The following ABCB1 variants were observed in gnomAD, a reference collection of about 807,000 sequenced individuals.
ABCB1 encodes the protein ATP binding cassette subfamily B member 1.
A neutral mutation model predicts 142.0 loss-of-function variants in ABCB1; 69 were observed. The observed-to-expected ratio is 0.49, with a 90% CI of 0.40 to 0.59. ABCB1 has a LOEUF of 0.59. ABCB1 is among the 20% of genes least tolerant of loss of function. The probability of loss-of-function intolerance (pLI) is 0.00; values close to 1 mark genes in which losing one functional copy is unlikely to be tolerated. For missense variants in ABCB1, 1,326 were observed against 1,554.7 expected, an observed-to-expected ratio of 0.85 and a Z score of 2.47; for synonymous variants, 532 against 539.2, an observed-to-expected ratio of 0.99 and a Z score of 0.18.
intron 2 of ABCB1, among the ~76,000 whole-genome samples, chr7:87,598,702 C>T (rs1819314201): frequency 6.6e-6 from 1 of 152,214 alleles, no homozygotes; most frequent in Non-Finnish European, 1.5e-5. Context: ...AAGCATTCAG[C>T]AGTAGCATTC....
rs188220447 is a variant in ABCB1, at chr7:87,593,080, C to T, written c.117+2686G>A. ...TAGCTGAGACTACAGGCATGTGCCACCATGCCCAGCTAATTTTTGTACTTT... is the reference window on the plus strand; with the variant it reads ...TAGCTGAGACTACAGGCATGTGCCATCATGCCCAGCTAATTTTTGTACTTT... On this transcript the variant is annotated intron_variant, in intron 3 of 27. Coordinates refer to ENST00000622132, the MANE Select transcript of ABCB1 (RefSeq NM_001348946.2). 4.6e-5 allele frequency among the ~76,000 whole-genome samples: 7 copies of T among 152,240 alleles called. No homozygotes were observed. The East Asian group carries it at 7.7e-4, about 17-fold the overall frequency.
intron 1 of ABCB1, among the ~76,000 whole-genome samples, chr7:87,645,168 G>A (rs1005265396): frequency 4.7e-5 from 7 of 148,702 alleles, no homozygotes; most frequent in Non-Finnish European, 8.9e-5. Context: ...CTGCAACCTC[G>A]ACCTCCTGGG....
intron 21 of ABCB1, among the ~76,000 whole-genome samples, chr7:87,524,677 T>A (rs1815706700): frequency 6.6e-6 from 1 of 151,928 alleles, no homozygotes; most frequent in African/African-American, 2.4e-5. Context: ...ATGGCACATG[T>A]ATACATATGT....
chr7:87,561,415 GA>G lies in ABCB1; in HGVS notation c.703-29del, dbSNP rs753909193. On this transcript the variant is annotated intron_variant, in intron 7 of 27. Coordinates refer to ENST00000622132, the MANE Select transcript of ABCB1 (RefSeq NM_001348946.2). The stretch of plus-strand genomic sequence containing the variant: ...GTTTAAAAATACAATTTTGGATCAT[GA>G]AAAAAACACGTTAATTTTATCTTTT... The G allele has an allele frequency of 8.2e-5, 130 of 1,585,260 alleles. No individual in the cohort carries two copies. The African/African-American group carries it at 1.1e-3, about 14-fold the overall frequency.
Position 87,536,498 on chromosome 7 carries a change from A to C in ABCB1, c.2441T>G (p.Leu814Trp), listed in dbSNP as rs1816300322. 1.2e-6 allele frequency: 2 copies of C among 1,613,858 alleles called. No individual in the cohort carries two copies. The highest frequency in any genetic ancestry group is 2.7e-5 in the African/African-American group (2 of 74,910). Residue 814 changes from leucine to tryptophan, a missense_variant, in exon 20 of 28, where the codon TTG becomes TGG. Coordinates refer to ENST00000622132, the MANE Select transcript of ABCB1 (RefSeq NM_001348946.2). ...FDDPKNTTGA[L>W]TTRLANDAAQ... ...AGCATCATTGGCGAGCCTGGTAGTC[A>C]ATGCTCCAGTGGTGTTTTTAGGGTC...
At chr7:87,631,506 T>C (rs1821218797) in intron 1 of ABCB1, among the ~76,000 whole-genome samples, 1 of 152,218 alleles carries the variant, frequency 6.6e-6, no homozygotes, top group African/African-American at 2.4e-5. Flanking sequence ...TTCTCCTGCC[T>C]CAGCCTCCTG....
chr7:87,642,239 G>A (rs1356153281), intron 1 of ABCB1, among the ~76,000 whole-genome samples: 3 of 152,052 alleles, frequency 2.0e-5, no homozygotes, highest in African/African-American at 7.2e-5. Context: ...CAAGTCAGCT[G>A]ATGTGTGTGT....
chr7:87,542,597 A>T (rs1388062466), intron 17 of ABCB1, among the ~76,000 whole-genome samples: 1 of 152,200 alleles, frequency 6.6e-6, no homozygotes. Context: ...GAATGAGAAA[A>T]GTATAAAATC....
At chr7:87,658,169 GA>G (rs942247167) in intron 1 of ABCB1, among the ~76,000 whole-genome samples, 16 of 152,042 alleles carry the variant, frequency 1.1e-4, no homozygotes, top group Non-Finnish European at 1.5e-4. Flanking sequence ...AGAAACAAAT[GA>G]AAAAGTAGAA....
chr7:87,544,370 T>C (rs981231423), intron 16 of ABCB1, 95 bp from the exon 17 acceptor site: 30 of 1,180,912 alleles, frequency 2.5e-5, no homozygotes, highest in Non-Finnish European at 3.5e-5. Flanking sequence ...ATATATCCTA[T>C]CCTTATTCCT....
intron 9 of ABCB1, among the ~76,000 whole-genome samples, chr7:87,551,840 G>C (rs1035405209): frequency 2.7e-4 from 41 of 149,800 alleles, no homozygotes; most frequent in African/African-American, 9.8e-4. Context: ...TCAATGTCTA[G>C]TTTTTTTTTT....
At chr7:87,676,547 C>G (rs919723445) in intron 1 of ABCB1, among the ~76,000 whole-genome samples, 2 of 151,176 alleles carry the variant, frequency 1.3e-5, no homozygotes, top group East Asian at 2.0e-4. Context: ...CTACTGAAAA[C>G]ACAATAATTA....
intron 1 of ABCB1, among the ~76,000 whole-genome samples, chr7:87,690,351 G>A (rs763476408): frequency 4.2e-4 from 64 of 151,712 alleles, no homozygotes; most frequent in Non-Finnish European, 4.3e-4. Flanking sequence ...TTTCTTTAAA[G>A]TTATGACTTT....
chr7:87,628,734 C>G, intron 1 of ABCB1: 1 of 787,784 alleles, frequency 1.3e-6, no homozygotes, highest in Middle Eastern at 4.2e-4. Flanking sequence ...CGCGCCCCCA[C>G]GGTTGCGGAC....
At chr7:87,595,276 T>C (rs1005236351) in intron 3 of ABCB1, among the ~76,000 whole-genome samples, 2 of 152,178 alleles carry the variant, frequency 1.3e-5, no homozygotes, top group African/African-American at 2.4e-5. Flanking sequence ...TTTGAAATCA[T>C]AGTAATAAAT....
intron 1 of ABCB1, among the ~76,000 whole-genome samples, chr7:87,667,292 G>A (rs1418136938): frequency 6.6e-6 from 1 of 152,002 alleles, no homozygotes; most frequent in Non-Finnish European, 1.5e-5. Flanking sequence ...AAGTTTGGCT[G>A]TTGTTGGTGT....
rs374222936 is a variant in ABCB1, at chr7:87,576,036, G to C, written c.287-5813C>G. On this transcript the variant is annotated intron_variant, in intron 4 of 27. Coordinates refer to ENST00000622132, the MANE Select transcript of ABCB1 (RefSeq NM_001348946.2). ...CTGGGCATGTATGTCTATAAATTATGGGTTCAGGCTAGATAACATCTAAGC... is the reference window on the plus strand; with the variant it reads ...CTGGGCATGTATGTCTATAAATTATCGGTTCAGGCTAGATAACATCTAAGC... Among the ~76,000 whole-genome samples, 10 of 152,074 alleles carry C rather than the reference G, an allele frequency of 6.6e-5. 1 individual carries two copies. The East Asian group carries it at 1.2e-3, about 18-fold the overall frequency.
intron 1 of ABCB1, among the ~76,000 whole-genome samples, chr7:87,617,364 TC>T (rs1446597326): frequency 6.6e-6 from 1 of 152,186 alleles, no homozygotes; most frequent in Non-Finnish European, 1.5e-5. Flanking sequence ...ATGTCAAGGA[TC>T]CCCATATATT....
intron 1 of ABCB1, among the ~76,000 whole-genome samples, chr7:87,710,109 C>T (rs1829937352): frequency 6.6e-6 from 1 of 151,960 alleles, no homozygotes; most frequent in Non-Finnish European, 1.5e-5. Context: ...TGTATAAAAC[C>T]TCCCACTGAA....
Sources: allele counts gnomAD v4.1 joint callset (sites outside exome capture counted in the v4.1 genomes callset), GRCh38; gene constraint gnomAD v4.1.1; transcripts MANE v1.5; gene names NCBI Gene and HGNC (gene_info 2026-07-23, HGNC 2026-07-21).